SIPA1: variants seen among roughly 807,000 people sequenced by gnomAD.
SIPA1 encodes signal-induced proliferation-associated 1.
A neutral mutation model predicts 88.1 loss-of-function variants in SIPA1; 51 were observed. The ratio of observed to expected loss-of-function variants is 0.58; its 90% CI spans 0.46 to 0.73. The LOEUF (loss-of-function observed/expected upper bound fraction) is 0.73, where lower values mean the gene tolerates loss of function less well. Ranked by LOEUF, SIPA1 falls within the 30% of genes least tolerant of loss-of-function variation. The pLI is 0.00. For synonymous variants in SIPA1, 681 were observed against 664.8 expected (o/e 1.02, Z -0.37); for missense variants, 1,348 against 1,467.6 (o/e 0.92, Z 1.33).
Position 65,647,465 on chromosome 11 carries a change from G to A in SIPA1, c.2113G>A (p.Glu705Lys), listed in dbSNP as rs970830868. 2.7e-6 allele frequency: 4 copies of A among 1,480,662 alleles called. No individual in the cohort carries two copies. Among genetic ancestry groups the A allele is most frequent in the African/African-American group, 1.5e-5 (1 of 67,592 alleles). 91.7% of individuals were successfully genotyped at this position (1,480,662 alleles called of 1,614,324 possible). ...CCGCCTGGGCTTCGAGGTGGACGCCGAGGGATTCGTCACGCACGTGGAGCG... is the reference window on the plus strand; with the variant it reads ...CCGCCTGGGCTTCGAGGTGGACGCCAAGGGATTCGTCACGCACGTGGAGCG... ...QGRLGFEVDA[E>K]GFVTHVERFT... The change falls in exon 9 of 16, where the codon GAG becomes AAG. Residue 705 changes from glutamate (E) to lysine (K), a missense_variant. By Grantham distance (56) the Glu-to-Lys change is moderately conservative. Around this residue, in one of 4 missense-constraint regions of SIPA1, gnomAD observed 615 missense variants for 559.8 expected, o/e 1.10. Coordinates refer to ENST00000534313, the MANE Select transcript of SIPA1 (RefSeq NM_006747.4).
chr11:65,649,902 G>A, intron 12 of SIPA1, 37 bp downstream of exon 12: 3 of 1,613,434 alleles, frequency 1.9e-6, no homozygotes, highest in Non-Finnish European at 2.5e-6. Context: ...GAGGGGTTGG[G>A]GGGTGCTCCT....
chr11:65,643,483 A>G (rs1180002363), intron 4 of SIPA1, among the ~76,000 whole-genome samples: 1 of 152,232 alleles, frequency 6.6e-6, no homozygotes, highest in Non-Finnish European at 1.5e-5. Context: ...TTTTGGTGCC[A>G]GGCCTCAGAC....
In SIPA1 at chr11:65,645,900, C is replaced by A. The variant is rs376293999; in HGVS notation, c.1206C>A (p.His402Gln). ...CCCTCTACACCACATACCAGGACCA[C>A]GAGATCATGTTCCACGTGTCCACGA... ...THSLYTTYQD[H>Q]EIMFHVSTML... The change falls in exon 6 of 16, where the codon CAC becomes CAA. Residue 402 changes from histidine (H) to glutamine (Q), a missense_variant. Around this residue, in one of 4 missense-constraint regions of SIPA1, gnomAD observed 641 missense variants for 797.7 expected, o/e 0.80. Coordinates refer to ENST00000534313, the MANE Select transcript of SIPA1 (RefSeq NM_006747.4). The A allele has an allele frequency of 6.2e-7, 1 of 1,613,744 alleles. No individual in the cohort carries two copies. The highest frequency in any genetic ancestry group is 1.7e-5 in the Admixed American group (1 of 59,986).
In SIPA1 at chr11:65,646,366, ACAC is replaced by A. The variant is rs1374822556; in HGVS notation, c.1414_1416del (p.Thr472del). 6.2e-7 allele frequency: 1 copy of A among 1,611,386 alleles called. No individual in the cohort carries two copies. The highest frequency in any genetic ancestry group is 8.5e-7 in the Non-Finnish European group (1 of 1,179,940). On this transcript the variant is annotated inframe_deletion, in exon 7 of 16. Transcript: ENST00000534313. The surrounding 1 kb of genome is among the most constrained non-coding windows in gnomAD (Gnocchi z 7.5). The stretch of plus-strand genomic sequence containing the variant: ...CGGGCACACACACCCTGCACGCCAC[ACAC>A]CACCTACAGGTGGGCACCGGAGTGG...
chr11:65,650,878 TG>T lies in SIPA1; in HGVS notation c.*165del. 1 of 760,450 alleles carries T rather than the reference TG, an allele frequency of 1.3e-6. No individual in the cohort carries two copies. The highest frequency in any genetic ancestry group is 2.0e-6 in the Non-Finnish European group (1 of 490,272). 47.1% of individuals were successfully genotyped at this position (760,450 alleles called of 1,614,324 possible). On this transcript the variant is annotated 3_prime_UTR_variant, in exon 16 of 16. Coordinates refer to ENST00000534313, the MANE Select transcript of SIPA1 (RefSeq NM_006747.4). ...CCCTTCCCTGTTTGTAAATATTCTG[TG>T]GAGAAAAGAGGACTTCAGGGAGTAA...
rs1267916669 is a variant in SIPA1, at chr11:65,649,549, T to A, written c.2526-12T>A. On this transcript the variant is annotated splice_polypyrimidine_tract_variant and intron_variant, in intron 10 of 15. Transcript: ENST00000534313. Reference sequence around the variant, plus strand: ...GCGGCTTCCCTTTCTGAGCCACCCCTGCTCTCCCCAGCTCTCTGTCGGATG... The same window carrying A: ...GCGGCTTCCCTTTCTGAGCCACCCCAGCTCTCCCCAGCTCTCTGTCGGATG... 6.2e-7 allele frequency: 1 copy of A among 1,614,080 alleles called. No homozygotes were observed. Among genetic ancestry groups the A allele is most frequent in the South Asian group, 1.1e-5 (1 of 91,078 alleles).
chr11:65,647,448 G>T lies in SIPA1; in HGVS notation c.2096G>T (p.Gly699Val). The change falls in exon 9 of 16, where the codon GGC becomes GTC. Residue 699 changes from glycine to valine, a missense_variant. Physicochemically the swap from Gly to Val is moderately radical, Grantham distance 109. Transcript: ENST00000534313. ...ALPRDGQGRL[G>V]FEVDAEGFVT... ...CCCCGCGACGGTCAAGGCCGCCTGG[G>T]CTTCGAGGTGGACGCCGAGGGATTC... 1 of 1,481,516 alleles carries T rather than the reference G, an allele frequency of 6.7e-7. No individual in the cohort carries two copies. Among genetic ancestry groups the T allele is most frequent in the Admixed American group, 2.3e-5 (1 of 42,636 alleles). 91.8% of individuals were successfully genotyped at this position (1,481,516 alleles called of 1,614,324 possible).
At position 65,650,727 on chromosome 11, in the gene SIPA1, C is replaced by T. The variant is rs113349002; in HGVS notation, c.*12C>T. Reference sequence around the variant, plus strand: ...CCGACCTGGCCTGAGCCGTCTGGAACCACCTGGGCCCCTGAGGGCACTGTG... The same window carrying T: ...CCGACCTGGCCTGAGCCGTCTGGAATCACCTGGGCCCCTGAGGGCACTGTG... On this transcript the variant is annotated 3_prime_UTR_variant, in exon 16 of 16. Transcript: ENST00000534313. The T allele has an allele frequency of 6.4e-7, 1 of 1,555,830 alleles. No homozygotes were observed. Among genetic ancestry groups the T allele is most frequent in the East Asian group, 2.3e-5 (1 of 42,792 alleles).
rs756236103 is a variant in SIPA1, at chr11:65,647,395, T to C, written c.2043T>C (p.Arg681=). 5 of 1,453,442 alleles carry C rather than the reference T, an allele frequency of 3.4e-6. No individual in the cohort carries two copies. Among genetic ancestry groups the C allele is most frequent in the Middle Eastern group, 1.9e-4 (1 of 5,198 alleles). 90.0% of individuals were successfully genotyped at this position (1,453,442 alleles called of 1,614,324 possible). The change falls in exon 9 of 16, where the codon CGT becomes CGC. Residue 681 remains arginine (R), a synonymous_variant. Coordinates refer to ENST00000534313, the MANE Select transcript of SIPA1 (RefSeq NM_006747.4). The stretch of plus-strand genomic sequence containing the variant: ...CGCCCCGTCCGCAGCTGGTGAGCCG[T>C]GGCTGCGAGACCCGCGAGCTGGCGC... ...EVVARLQLVS[R]GCETRELALP... is the part of the protein sequence containing the mutation.
At position 65,650,398 on chromosome 11, in the gene SIPA1, C is replaced by G. The variant is rs1244447762; in HGVS notation, c.2904-3C>G. On this transcript the variant is annotated splice_region_variant and splice_polypyrimidine_tract_variant and intron_variant, in intron 14 of 15. Coordinates refer to ENST00000534313, the MANE Select transcript of SIPA1 (RefSeq NM_006747.4). The stretch of plus-strand genomic sequence containing the variant: ...TGCTGAGTCTTGACCCCCATGTCTT[C>G]AGGCCAGAGCCTGGGAACCTCTCAG... The G allele has an allele frequency of 6.2e-7, 1 of 1,614,038 alleles. No homozygotes were observed. The highest frequency in any genetic ancestry group is 1.1e-5 in the South Asian group (1 of 91,076).
chr11:65,643,121 T>C (rs1856042291), intron 4 of SIPA1, among the ~76,000 whole-genome samples: 1 of 152,132 alleles, frequency 6.6e-6, no homozygotes, highest in Admixed American at 6.5e-5. Context: ...TTTACCATGT[T>C]GGCCACGCTG....
intron 14 of SIPA1, 100 bp from the exon 15 acceptor site, chr11:65,650,301 A>C: frequency 6.5e-7 from 1 of 1,538,068 alleles, no homozygotes; most frequent in Non-Finnish European, 9.0e-7. Flanking sequence ...ACATATGCCT[A>C]GAAGACCAGC....
At position 65,649,618 on chromosome 11, in the gene SIPA1, C is replaced by T. The variant is rs1856216113; in HGVS notation, c.2583C>T (p.Ala861=). The T allele has an allele frequency of 6.2e-7, 1 of 1,614,008 alleles. No individual in the cohort carries two copies. Among genetic ancestry groups the T allele is most frequent in the Non-Finnish European group, 8.5e-7 (1 of 1,180,032 alleles). Residue 861 remains alanine, a synonymous_variant, in exon 11 of 16, where the codon GCC becomes GCT. Coordinates refer to ENST00000534313, the MANE Select transcript of SIPA1 (RefSeq NM_006747.4). ...ACACCACCCCGGACCTCCTCCTGGC[C>T]ACCACAGCCAAGCCATCAGTACCCA... ...LPNTTPDLLL[A]TTAKPSVPSA...
chr11:65,639,620 T>A (rs1185838035), intron 1 of SIPA1, among the ~76,000 whole-genome samples: 3 of 152,010 alleles, frequency 2.0e-5, no homozygotes, highest in African/African-American at 7.3e-5. Flanking sequence ...GACCCACCAT[T>A]AGATGCCTGT....
chr11:65,642,189 C>T lies in SIPA1; in HGVS notation c.680-61C>T. The T allele has an allele frequency of 6.5e-7, 1 of 1,531,304 alleles. No individual in the cohort carries two copies. Among genetic ancestry groups the T allele is most frequent in the Non-Finnish European group, 8.8e-7 (1 of 1,141,416 alleles). 94.9% of individuals were successfully genotyped at this position (1,531,304 alleles called of 1,614,324 possible). A position where few individuals can be genotyped will look rare whatever the true frequency, so the allele number is the denominator to read the frequency against. ...GGCGGGGCTTAGTGATGCGCGTGGTCGAGCGGGGGCGGGGCTGCCAGAGGG... is the reference window on the plus strand; with the variant it reads ...GGCGGGGCTTAGTGATGCGCGTGGTTGAGCGGGGGCGGGGCTGCCAGAGGG... On this transcript the variant is annotated intron_variant, in intron 2 of 15. Transcript: ENST00000534313. This position sits in a 1 kb window ranked among gnomAD's most constrained non-coding sequence, Gnocchi z 6.5.
In SIPA1 at chr11:65,645,036, G is replaced by A. The variant is rs200416298; in HGVS notation, c.1066G>A (p.Ala356Thr). The change falls in exon 5 of 16, where the codon GCG becomes ACG. Residue 356 changes from alanine to threonine, a missense_variant. This residue lies in a region of SIPA1 where 641 missense variants were observed against 797.7 expected (regional missense o/e 0.80). Coordinates refer to ENST00000534313, the MANE Select transcript of SIPA1 (RefSeq NM_006747.4). ...GGAGGAGATGTACAACAACCAGGAGGCGGGACCGGCCTTCATGCAGTTTCT... is the reference window on the plus strand; with the variant it reads ...GGAGGAGATGTACAACAACCAGGAGACGGGACCGGCCTTCATGCAGTTTCT... ...SEEEMYNNQE[A>T]GPAFMQFLTL... 2.9e-4 allele frequency: 473 copies of A among 1,613,956 alleles called. 1 individual carries two copies. Among genetic ancestry groups the A allele is most frequent in the Non-Finnish European group, 3.7e-4 (439 of 1,179,952 alleles).
chr11:65,641,737 G>C (rs1856008112), intron 2 of SIPA1, 137 bp downstream of exon 2: 1 of 814,272 alleles, frequency 1.2e-6, no homozygotes, highest in African/African-American at 1.7e-5. Context: ...CAAGAGCTGA[G>C]CTGGGGTCCT....
In SIPA1 at chr11:65,641,419, G is replaced by A. The variant is rs746587636; in HGVS notation, c.498G>A (p.Val166=). ...SDLLHGAPGF[V]CELGGEGELG... Reference sequence around the variant, plus strand: ...TGCTGCATGGGGCACCTGGCTTTGTGTGTGAGCTCGGGGGTGAGGGTGAGC... The same window carrying A: ...TGCTGCATGGGGCACCTGGCTTTGTATGTGAGCTCGGGGGTGAGGGTGAGC... The change falls in exon 2 of 16, where the codon GTG becomes GTA. Residue 166 remains valine (V), a synonymous_variant. Transcript: ENST00000534313. The A allele has an allele frequency of 1.1e-5, 18 of 1,613,020 alleles. No homozygotes were observed. The highest frequency in any genetic ancestry group is 1.4e-5 in the Non-Finnish European group (17 of 1,180,016).
At chr11:65,645,810 T>A in intron 5 of SIPA1, 44 bp from the exon 6 acceptor site, 1 of 1,438,584 alleles carries the variant, frequency 7.0e-7, no homozygotes. Context: ...CCACTTAGAT[T>A]CCCCTTGTTT....
Sources: gnomAD v4.1 joint callset for allele counts (sites outside exome capture counted in the v4.1 genomes callset) on GRCh38, gnomAD v4.1.1 for gene constraint, gnomAD v4.1.1 regional missense constraint, Gnocchi (gnomAD v3.1) non-coding constraint, MANE v1.5 for transcripts, NCBI Gene and HGNC (gene_info 2026-07-23, HGNC 2026-07-21) for gene names.